PLEKHA5: variants seen among roughly 807,000 people sequenced by gnomAD.
The protein encoded by PLEKHA5 is pleckstrin homology domain-containing family A member 5.
A neutral mutation model predicts 181.9 loss-of-function variants in PLEKHA5; 55 were observed. The observed-to-expected ratio is 0.30, with a 90% CI of 0.24 to 0.38. PLEKHA5 has a LOEUF of 0.38. PLEKHA5 is among the 10% of genes least tolerant of loss of function. The probability of loss-of-function intolerance (pLI) is 1.00; values close to 1 mark genes in which losing one functional copy is unlikely to be tolerated. For synonymous variants in PLEKHA5, 535 were observed against 529.4 expected (o/e 1.01, Z -0.15); for missense variants, 1,432 against 1,549.5 (o/e 0.92, Z 1.27).
At chr12:19,354,638 G>A (rs541552808) in intron 26 of PLEKHA5, among the ~76,000 whole-genome samples, 1 of 150,506 alleles carries the variant, frequency 6.6e-6, no homozygotes, top group African/African-American at 2.5e-5. Flanking sequence ...CCACCACCAC[G>A]CCTGGCTAAA....
At chr12:19,186,270 A>G (rs1452338525) in intron 3 of PLEKHA5, among the ~76,000 whole-genome samples, 1 of 152,200 alleles carries the variant, frequency 6.6e-6, no homozygotes, top group Non-Finnish European at 1.5e-5. Context: ...GGGTGGTACC[A>G]TTAAAAATAA....
intron 16 of PLEKHA5, among the ~76,000 whole-genome samples, chr12:19,317,395 C>G (rs1040736349): frequency 6.6e-6 from 1 of 151,112 alleles, no homozygotes; most frequent in African/African-American, 2.4e-5. Context: ...TCTACACCAC[C>G]TTTCACAGTT....
intron 10 of PLEKHA5, among the ~76,000 whole-genome samples, chr12:19,270,950 T>C (rs2072546945): frequency 6.6e-6 from 1 of 152,158 alleles, no homozygotes; most frequent in South Asian, 2.1e-4. Context: ...TTGTGCTATT[T>C]TTGTAAATAT....
chr12:19,367,567 T>TTTTTA (rs199571526), intron 30 of PLEKHA5, among the ~76,000 whole-genome samples: 1,825 of 151,318 alleles, frequency 0.012, 130 homozygotes, highest in Admixed American at 0.11. Context: ...CTTTGCTTCT[T>TTTTTA]TTTTATTTTA....
At chr12:19,366,438 A>G (rs2095425119) in intron 30 of PLEKHA5, among the ~76,000 whole-genome samples, 2 of 152,162 alleles carry the variant, frequency 1.3e-5, no homozygotes, top group Admixed American at 6.6e-5. Flanking sequence ...GTGGACCACG[A>G]GGTCAGGGGT....
chr12:19,210,389 T>G (rs114476924), intron 3 of PLEKHA5, among the ~76,000 whole-genome samples: 1 of 152,326 alleles, frequency 6.6e-6, no homozygotes, highest in East Asian at 1.9e-4. Flanking sequence ...CTGTGACTTA[T>G]TAATACAAAT....
chr12:19,244,466 T>C (rs2063265684), intron 3 of PLEKHA5, among the ~76,000 whole-genome samples: 1 of 152,222 alleles, frequency 6.6e-6, no homozygotes, highest in Non-Finnish European at 1.5e-5. Flanking sequence ...TCTAACATTA[T>C]TGTGGATGTG....
At chr12:19,253,905 C>A in intron 3 of PLEKHA5, 35 bp from the exon 4 acceptor site, 1 of 1,127,526 alleles carries the variant, frequency 8.9e-7, no homozygotes, top group African/African-American at 1.5e-5. Context: ...TTTTAAATAC[C>A]TGCATGTTCT....
At chr12:19,374,574 AC>A (rs1439116435) in intron 31 of PLEKHA5, among the ~76,000 whole-genome samples, 1 of 151,614 alleles carries the variant, frequency 6.6e-6, no homozygotes, top group Non-Finnish European at 1.5e-5. Flanking sequence ...CAGGAAAATC[AC>A]TTGAACCCGG....
chr12:19,372,349 G>T (rs1323677823), intron 31 of PLEKHA5: 1 of 151,492 alleles, frequency 6.6e-6, no homozygotes, highest in African/African-American at 2.4e-5. Flanking sequence ...CTTCTTTTGA[G>T]AAATGCCTAT....
intron 11 of PLEKHA5, among the ~76,000 whole-genome samples, chr12:19,281,185 C>T: frequency 6.6e-6 from 1 of 150,562 alleles, no homozygotes; most frequent in Non-Finnish European, 1.5e-5. Context: ...GCAGTGTACT[C>T]CACTGCACTC....
intron 11 of PLEKHA5, among the ~76,000 whole-genome samples, chr12:19,279,634 T>C (rs1401153379): frequency 6.6e-6 from 1 of 150,820 alleles, no homozygotes; most frequent in African/African-American, 2.4e-5. Flanking sequence ...CACTCCAGCC[T>C]GGACGACAGA....
intron 3 of PLEKHA5, among the ~76,000 whole-genome samples, chr12:19,159,826 A>G (rs2042566233): frequency 6.6e-6 from 1 of 152,202 alleles, no homozygotes; most frequent in East Asian, 1.9e-4. Context: ...CCGTAGAGAC[A>G]GGCAAGGCCT....
intron 7 of PLEKHA5, among the ~76,000 whole-genome samples, chr12:19,262,133 C>A (rs2068701524): frequency 6.6e-6 from 1 of 152,136 alleles, no homozygotes; most frequent in Non-Finnish European, 1.5e-5. Flanking sequence ...CTTATAATTT[C>A]TCTTCTCGTC....
At chr12:19,301,251 A>C (rs144823494) in intron 15 of PLEKHA5, among the ~76,000 whole-genome samples, 2 of 152,334 alleles carry the variant, frequency 1.3e-5, no homozygotes, top group Non-Finnish European at 2.9e-5. Flanking sequence ...CACTTCAGGA[A>C]TGTTTTTTCA....
intron 3 of PLEKHA5, among the ~76,000 whole-genome samples, chr12:19,215,745 T>C (rs2057849494): frequency 6.6e-6 from 1 of 152,168 alleles, no homozygotes; most frequent in African/African-American, 2.4e-5. Context: ...CACTTAATAA[T>C]TGCCAACATG....
intron 20 of PLEKHA5, among the ~76,000 whole-genome samples, chr12:19,324,128 G>A (rs1437604010): frequency 6.6e-6 from 1 of 152,116 alleles, no homozygotes; most frequent in Admixed American, 6.6e-5. Context: ...TTTTAAGAAG[G>A]GCCACAGACA....
At chr12:19,254,942 A>T (rs547508543) in intron 4 of PLEKHA5, 103 bp from the exon 5 acceptor site, 12 of 942,132 alleles carry the variant, frequency 1.3e-5, no homozygotes, top group South Asian at 5.0e-5. Context: ...GGATCCAAGT[A>T]CTGTGAAAAA....
chr12:19,168,742 C>T (rs565841853), intron 3 of PLEKHA5, among the ~76,000 whole-genome samples: 1 of 152,164 alleles, frequency 6.6e-6, no homozygotes, highest in East Asian at 1.9e-4. Context: ...ATGGATAATA[C>T]TGAATTATAA....
Sources: allele counts gnomAD v4.1 joint callset (sites outside exome capture counted in the v4.1 genomes callset), GRCh38; gene constraint gnomAD v4.1.1; transcripts MANE v1.5; gene names NCBI Gene and HGNC (gene_info 2026-07-23, HGNC 2026-07-21).